The following HPSE2 variants were observed in gnomAD, a reference collection of about 807,000 sequenced individuals.
The protein encoded by HPSE2 is inactive heparanase-2.
Under a neutral mutation model 60.5 loss-of-function variants are expected in HPSE2, and 38 were observed. The ratio of observed to expected loss-of-function variants is 0.63; its 90% confidence interval spans 0.48 to 0.82. The LOEUF (loss-of-function observed/expected upper bound fraction) is 0.82. Ranked by LOEUF, HPSE2 falls within the 40% of genes least tolerant of loss-of-function variation. The pLI, the probability that HPSE2 is intolerant of heterozygous loss-of-function variation, is 0.00. For missense variants in HPSE2, 713 were observed against 740.4 expected (o/e 0.96, Z 0.43); for synonymous variants, 295 against 293.2 (o/e 1.01, Z -0.06).
intron 6 of HPSE2, among the ~76,000 whole-genome samples, chr10:98,655,137 T>C (rs561409677): frequency 6.6e-6 from 1 of 152,274 alleles, no homozygotes; most frequent in East Asian, 1.9e-4. Context: ...CCCAGTAGCA[T>C]AGCTTTCCCC....
intron 3 of HPSE2, among the ~76,000 whole-genome samples, chr10:99,101,958 C>T (rs1424922649): frequency 6.6e-6 from 1 of 152,094 alleles, no homozygotes; most frequent in Non-Finnish European, 1.5e-5. Context: ...CACAACATAC[C>T]AGAATCTCTG....
intron 3 of HPSE2, among the ~76,000 whole-genome samples, chr10:98,769,727 C>T (rs1950201669): frequency 6.6e-6 from 1 of 152,120 alleles, no homozygotes; most frequent in African/African-American, 2.4e-5. Context: ...TATTTGTTGG[C>T]ACTGAATTAG....
At chr10:99,223,598 A>G (rs557342318) in intron 2 of HPSE2, among the ~76,000 whole-genome samples, 18 of 152,296 alleles carry the variant, frequency 1.2e-4, no homozygotes, top group African/African-American at 4.1e-4. Flanking sequence ...ACCAAAACAC[A>G]TATATTTAGG....
At chr10:99,101,725 T>C (rs1330972698) in intron 3 of HPSE2, among the ~76,000 whole-genome samples, 2 of 152,166 alleles carry the variant, frequency 1.3e-5, no homozygotes, top group African/African-American at 2.4e-5. Flanking sequence ...ACTGACCACA[T>C]AGTTGGAAGT....
At chr10:99,094,593 G>T (rs1843655215) in intron 3 of HPSE2, among the ~76,000 whole-genome samples, 1 of 111,492 alleles carries the variant, frequency 9.0e-6, no homozygotes, top group Non-Finnish European at 1.7e-5. Context: ...GTCTTTCTCT[G>T]TGGCCCAGGC....
At chr10:98,729,470 G>A (rs1243961526) in intron 4 of HPSE2, among the ~76,000 whole-genome samples, 5 of 151,942 alleles carry the variant, frequency 3.3e-5, no homozygotes, top group Non-Finnish European at 5.9e-5. Context: ...TTAGCCGGGC[G>A]TGGTGGCGGG....
At chr10:98,494,776 T>C (rs1238852112) in intron 9 of HPSE2, among the ~76,000 whole-genome samples, 1 of 152,182 alleles carries the variant, frequency 6.6e-6, no homozygotes, top group Non-Finnish European at 1.5e-5. Context: ...TCATAAATTA[T>C]GTAGAAACAA....
intron 9 of HPSE2, among the ~76,000 whole-genome samples, chr10:98,544,748 G>A (rs1195020398): frequency 4.2e-4 from 59 of 140,640 alleles, no homozygotes; most frequent in African/African-American, 1.4e-3. Context: ...AAAAGAACTA[G>A]AGAAGCAAGA....
intron 9 of HPSE2, among the ~76,000 whole-genome samples, chr10:98,530,678 G>A (rs144028476): frequency 7.2e-5 from 11 of 152,258 alleles, no homozygotes; most frequent in Middle Eastern, 3.4e-3. Flanking sequence ...TGCTCTGCTC[G>A]GACTGGCTCC....
intron 11 of HPSE2, among the ~76,000 whole-genome samples, chr10:98,462,197 G>C (rs1940322337): frequency 6.6e-6 from 1 of 151,866 alleles, no homozygotes; most frequent in Admixed American, 6.6e-5. Flanking sequence ...TTATTTTTTT[G>C]AGATGGAGTC....
chr10:98,735,189 A>G (rs1358876414), intron 4 of HPSE2, among the ~76,000 whole-genome samples: 1 of 66,154 alleles, frequency 1.5e-5, no homozygotes, highest in African/African-American at 5.0e-5. Flanking sequence ...GTAAATTGGT[A>G]CCGGGTAGTG....
chr10:99,247,589 C>T, the HPSE2 span, among the ~76,000 whole-genome samples: 1 of 152,180 alleles, frequency 6.6e-6, no homozygotes, highest in African/African-American at 2.4e-5. Flanking sequence ...ACTTAAAAGA[C>T]ACAGAGTGGT....
At chr10:99,108,636 C>G (rs910179882) in intron 3 of HPSE2, among the ~76,000 whole-genome samples, 1 of 152,082 alleles carries the variant, frequency 6.6e-6, no homozygotes, top group Non-Finnish European at 1.5e-5. Context: ...CTACCAATAG[C>G]CATCAAAAAT....
chr10:98,847,567 C>A (rs761180429), intron 3 of HPSE2, among the ~76,000 whole-genome samples: 7 of 152,154 alleles, frequency 4.6e-5, no homozygotes, highest in Admixed American at 6.5e-5. Flanking sequence ...TTTCTCTATT[C>A]TTAGGCAAAG....
At chr10:98,760,745 T>C (rs570846046) in intron 3 of HPSE2, among the ~76,000 whole-genome samples, 9 of 152,274 alleles carry the variant, frequency 5.9e-5, no homozygotes, top group Non-Finnish European at 1.2e-4. Context: ...AGTGATACTT[T>C]CCTATAATTT....
intron 5 of HPSE2, among the ~76,000 whole-genome samples, chr10:98,697,407 A>C (rs777761285): frequency 7.2e-5 from 11 of 152,232 alleles, no homozygotes; most frequent in Non-Finnish European, 1.3e-4. Flanking sequence ...AAAGAATATC[A>C]GAGTTTGAAG....
chr10:98,789,234 C>CT (rs1333522201), intron 3 of HPSE2, among the ~76,000 whole-genome samples: 1 of 152,068 alleles, frequency 6.6e-6, no homozygotes, highest in Non-Finnish European at 1.5e-5. Context: ...ATGGTCAGAC[C>CT]TTAAGTGGAG....
chr10:98,495,520 C>A (rs1308018950), intron 9 of HPSE2, among the ~76,000 whole-genome samples: 1 of 152,056 alleles, frequency 6.6e-6, no homozygotes, highest in Non-Finnish European at 1.5e-5. Flanking sequence ...GTATATTAGT[C>A]CACTTAATGG....
At chr10:98,807,810 T>C (rs182652289) in intron 3 of HPSE2, among the ~76,000 whole-genome samples, 8 of 152,316 alleles carry the variant, frequency 5.3e-5, no homozygotes, top group African/African-American at 1.7e-4. Context: ...ATAAAAGAAA[T>C]AGAATAAGCT....
Sources: gnomAD v4.1 joint callset for allele counts (sites outside exome capture counted in the v4.1 genomes callset) on GRCh38, gnomAD v4.1.1 for gene constraint, MANE v1.5 for transcripts, NCBI Gene and HGNC (gene_info 2026-07-23, HGNC 2026-07-21) for gene names.